Variants in BNIP3L observed in about 807,000 individuals in gnomAD.
BNIP3L encodes BCL2/adenovirus E1B 19 kDa protein-interacting protein 3-like.
In BNIP3L, 10 loss-of-function variants were observed where a neutral mutation model predicts 25.5. The observed-to-expected ratio is 0.39, with a 90% confidence interval of 0.24 to 0.67. The LOEUF (loss-of-function observed/expected upper bound fraction) is 0.67, where lower values mean the gene tolerates loss of function less well. BNIP3L is among the 30% of genes least tolerant of loss of function. The pLI is 0.45. For missense variants in BNIP3L, 215 were observed against 270.9 expected, an observed-to-expected ratio of 0.79 and a Z score of 1.45; for synonymous variants, 113 against 101.2, an observed-to-expected ratio of 1.12 and a Z score of -0.70.
chr8:26,402,922 G>A (rs763374016), intron 3 of BNIP3L, among the ~76,000 whole-genome samples: 8 of 152,202 alleles, frequency 5.3e-5, no homozygotes, highest in Non-Finnish European at 1.2e-4. Context: ...TCATGGAGTT[G>A]CAGATGTGCA....
chr8:26,404,629 G>A (rs982657430), intron 3 of BNIP3L, among the ~76,000 whole-genome samples: 3 of 152,126 alleles, frequency 2.0e-5, no homozygotes, highest in South Asian at 4.1e-4. Flanking sequence ...TGCCTCAGCT[G>A]CCCAAGAAGC....
intron 1 of BNIP3L, among the ~76,000 whole-genome samples, chr8:26,388,459 A>C (rs778472230): frequency 1.3e-5 from 2 of 152,178 alleles, no homozygotes; most frequent in African/African-American, 2.4e-5. Flanking sequence ...GCCCCTGACC[A>C]CACTATACCA....
Position 26,391,298 on chromosome 8 carries a change from G to A in BNIP3L, c.156G>A (p.Gly52=). 4 of 1,612,426 alleles carry A rather than the reference G, an allele frequency of 2.5e-6. No individual in the cohort carries two copies. Among genetic ancestry groups the A allele is most frequent in the Non-Finnish European group, 3.4e-6 (4 of 1,179,414 alleles). ...GCAATGGCAATGATAATGGCAATGGGAAAAATGGGGGGCTGGAACACGTAC... is the reference window on the plus strand; with the variant it reads ...GCAATGGCAATGATAATGGCAATGGAAAAAATGGGGGGCTGGAACACGTAC... ...NSSNGNDNGN[G]KNGGLEHVPS... The change falls in exon 2 of 6, where the codon GGG becomes GGA. Residue 52 remains glycine (G), a synonymous_variant. Transcript: ENST00000380629.
At chr8:26,384,404 G>A (rs1805939557) in intron 1 of BNIP3L, among the ~76,000 whole-genome samples, 2 of 152,162 alleles carry the variant, frequency 1.3e-5, no homozygotes, top group Admixed American at 1.3e-4. Flanking sequence ...GTTTTGATGG[G>A]TTAATTCCCA....
chr8:26,383,490 C>T (rs1328827085), intron 1 of BNIP3L: 21 of 1,210,852 alleles, frequency 1.7e-5, no homozygotes, highest in Non-Finnish European at 1.9e-5. Flanking sequence ...TAGCGCGGAT[C>T]CCCCTGGTGC....
At chr8:26,404,048 G>A (rs553344484) in intron 3 of BNIP3L, among the ~76,000 whole-genome samples, 38 of 152,314 alleles carry the variant, frequency 2.5e-4, no homozygotes, top group African/African-American at 8.2e-4. Flanking sequence ...AGCTCACAAA[G>A]CCATGAGAAT....
chr8:26,390,991 T>C (rs1318955029), intron 1 of BNIP3L, among the ~76,000 whole-genome samples: 1 of 152,094 alleles, frequency 6.6e-6, no homozygotes, highest in South Asian at 2.1e-4. Context: ...CAGAGAGAAA[T>C]TGACTGAAAA....
intron 1 of BNIP3L, among the ~76,000 whole-genome samples, chr8:26,388,787 G>A (rs1806044488): frequency 6.7e-6 from 1 of 149,382 alleles, no homozygotes; most frequent in Non-Finnish European, 1.5e-5. Flanking sequence ...CCTGGGCAAT[G>A]TAGGGAGACC....
intron 3 of BNIP3L, among the ~76,000 whole-genome samples, chr8:26,397,482 TGGAAA>T (rs1257066480): frequency 7.8e-6 from 1 of 128,584 alleles, no homozygotes; most frequent in East Asian, 2.8e-4. Context: ...GCGCTAAACA[TGGAAA>T]GGAACAACCG....
rs199724930 is a variant in BNIP3L, at chr8:26,383,210, C to T, written c.80C>T (p.Pro27Leu). The T allele has an allele frequency of 4.3e-6, 7 of 1,611,188 alleles. No individual in the cohort carries two copies. In the African/African-American group the frequency reaches 5.3e-5, roughly 12 times the overall value. The change falls in exon 1 of 6, where the codon CCC (proline) becomes CTC (leucine). Residue 27 changes from proline (P) to leucine (L), a missense_variant. By Grantham distance (98) the Pro-to-Leu change is moderately conservative (BLOSUM62 -3). This residue lies in a region of BNIP3L where 69 missense variants were observed against 53.6 expected (regional missense o/e 1.29). Transcript: ENST00000380629. ...NNCEENEQSLPPPAGLNSSWV... is the reference protein window; with the variant it reads ...NNCEENEQSLLPPAGLNSSWV... ...TGCGAGGAAAATGAGCAGTCTCTGC[C>T]CCCGCCGGCCGGCCTCAACAGTGAG...
intron 3 of BNIP3L, among the ~76,000 whole-genome samples, chr8:26,402,221 A>G (rs1448755149): frequency 3.3e-5 from 5 of 152,190 alleles, no homozygotes; most frequent in African/African-American, 4.8e-5. Context: ...AATTTATTTT[A>G]TGATGATGAG....
chr8:26,386,178 T>C (rs1411443693), intron 1 of BNIP3L, among the ~76,000 whole-genome samples: 2 of 152,214 alleles, frequency 1.3e-5, no homozygotes, highest in African/African-American at 4.8e-5. Flanking sequence ...TTGTGATTTT[T>C]TTTTAACTTT....
chr8:26,408,943 G>A (rs1261095842), intron 5 of BNIP3L, among the ~76,000 whole-genome samples: 1 of 151,170 alleles, frequency 6.6e-6, no homozygotes, highest in Non-Finnish European at 1.5e-5. Context: ...GGACTCCTCT[G>A]TGATTGATTT....
intron 3 of BNIP3L, 152 bp from the exon 4 acceptor site, chr8:26,407,848 T>C (rs908434647): frequency 5.9e-5 from 40 of 675,274 alleles, no homozygotes; most frequent in Non-Finnish European, 9.5e-5. Flanking sequence ...TTACATTATT[T>C]TTCAGCATTT....
At chr8:26,393,188 A>G (rs1806153057) in intron 2 of BNIP3L, among the ~76,000 whole-genome samples, 1 of 151,860 alleles carries the variant, frequency 6.6e-6, no homozygotes, top group Admixed American at 6.6e-5. Context: ...GCGTCTCTAT[A>G]TGTGAAAAGT....
chr8:26,386,474 A>G (rs1285948979), intron 1 of BNIP3L, among the ~76,000 whole-genome samples: 2 of 151,766 alleles, frequency 1.3e-5, no homozygotes, highest in African/African-American at 4.8e-5. Flanking sequence ...TTGCTTTGTC[A>G]CCCAAACTGG....
intron 3 of BNIP3L, among the ~76,000 whole-genome samples, chr8:26,401,116 C>T (rs1433217451): frequency 4.3e-5 from 6 of 139,322 alleles, no homozygotes; most frequent in Non-Finnish European, 8.0e-5. Flanking sequence ...CACATGCACA[C>T]GTATGTTTAT....
chr8:26,409,900 T>C (rs1466123006), intron 5 of BNIP3L, among the ~76,000 whole-genome samples: 1 of 151,720 alleles, frequency 6.6e-6, no homozygotes. Context: ...TTAGGAGTTA[T>C]TAGTAAGAGC....
At chr8:26,388,071 T>C (rs1052740486) in intron 1 of BNIP3L, among the ~76,000 whole-genome samples, 1 of 152,208 alleles carries the variant, frequency 6.6e-6, no homozygotes, top group Admixed American at 6.5e-5. Context: ...AACAGACCTA[T>C]ATTTCATTGA....
Sources: allele counts gnomAD v4.1 joint callset (sites outside exome capture counted in the v4.1 genomes callset), GRCh38; gene constraint gnomAD v4.1.1; regional missense constraint gnomAD v4.1.1; transcripts MANE v1.5; gene names NCBI Gene and HGNC (gene_info 2026-07-23, HGNC 2026-07-21).